The following ASB13 variants were observed in gnomAD, a reference collection of about 807,000 sequenced individuals.
ASB13 encodes ankyrin repeat and SOCS box protein 13.
In ASB13, 33 loss-of-function variants were observed where a neutral mutation model predicts 28.8. The observed-to-expected ratio is 1.15, with a 90% CI of 0.87 to 1.53. The LOEUF (loss-of-function observed/expected upper bound fraction) is 1.53. Ranked by LOEUF, ASB13 falls within the 40% of genes most tolerant of loss-of-function variation. The probability of loss-of-function intolerance (pLI) is 0.00; values close to 1 mark genes in which losing one functional copy is unlikely to be tolerated. For synonymous variants in ASB13, 182 were observed against 172.9 expected (o/e 1.05, Z -0.41); for missense variants, 414 against 390.1 (o/e 1.06, Z -0.52).
Position 5,644,868 on chromosome 10 carries a change from G to A in ASB13, c.518-2907C>T, listed in dbSNP as rs1834860453. The stretch of plus-strand genomic sequence containing the variant: ...ACAGATACAGAGGAAAGAAGGAAGA[G>A]AGAAAGAGGGTAGGAGAGGGAAAGA... On this transcript the variant is annotated intron_variant, in intron 4 of 5. Transcript: ENST00000357700. The surrounding 1 kb of genome is among the most constrained non-coding windows in gnomAD (Gnocchi z 5.1). Among the ~76,000 whole-genome samples, 1 of 151,968 alleles carries A rather than the reference G, an allele frequency of 6.6e-6. No homozygotes were observed. Among genetic ancestry groups the A allele is most frequent in the South Asian group, 2.1e-4 (1 of 4,808 alleles).
rs999320926 is a variant in ASB13 at position 5,656,144 on chromosome 10, T to C, written c.44-3094A>G. Among the ~76,000 whole-genome samples, 3 of 152,200 alleles carry C rather than the reference T, an allele frequency of 2.0e-5. No homozygotes were observed. The highest frequency in any genetic ancestry group is 7.2e-5 in the African/African-American group (3 of 41,464). ...ATCTCAGGCACCGCTTATTCACCTC[T>C]GTACCCCAGAACCTGGCACTGTCCA... On this transcript the variant is annotated intron_variant, in intron 1 of 5. Transcript: ENST00000357700. This position sits in a 1 kb window ranked among gnomAD's most constrained non-coding sequence, Gnocchi z 4.3.
chr10:5,641,720 T>TCC lies in ASB13; in HGVS notation c.709+48_709+49dup. ...CCACAGGGAGCCGGCACGTCAGGGGTCCAGGCTGAAGGCTGGAGGGGATGG... is the reference window on the plus strand; with the variant it reads ...CCACAGGGAGCCGGCACGTCAGGGGTCCCCAGGCTGAAGGCTGGAGGGGATGG... On this transcript the variant is annotated intron_variant, in intron 5 of 5. Coordinates refer to ENST00000357700, the MANE Select transcript of ASB13 (RefSeq NM_024701.4). This position sits in a 1 kb window ranked among gnomAD's most constrained non-coding sequence, Gnocchi z 8.4. 2.0e-6 allele frequency: 3 copies of TCC among 1,519,586 alleles called. No homozygotes were observed. In the South Asian group the frequency reaches 3.7e-5, roughly 19 times the overall value. The allele number at this position is 1,519,586 out of a possible 1,614,324, so 94.1% of individuals were successfully genotyped here.
At position 5,642,025 on chromosome 10, in the gene ASB13, A is replaced by G; in HGVS notation, c.518-64T>C. 2 of 1,523,962 alleles carry G rather than the reference A, an allele frequency of 1.3e-6. No individual in the cohort carries two copies. Among genetic ancestry groups the G allele is most frequent in the South Asian group, 1.2e-5 (1 of 83,136 alleles). The allele number at this position is 1,523,962 out of a possible 1,614,324, so 94.4% of individuals were successfully genotyped here. On this transcript the variant is annotated intron_variant, in intron 4 of 5. Transcript: ENST00000357700. This position sits in a 1 kb window ranked among gnomAD's most constrained non-coding sequence, Gnocchi z 4.1. ...AGAACTTGAAGTCAGGGGGACAATC[A>G]GGTCCGTTTCGTCACACAGCACGGT... is the stretch of plus-strand genomic sequence containing the variant.
rs1834971382 is a variant in ASB13, at chr10:5,650,751, T to TG, written c.382+461dup. On this transcript the variant is annotated intron_variant, in intron 3 of 5. Coordinates refer to ENST00000357700, the MANE Select transcript of ASB13 (RefSeq NM_024701.4). The surrounding 1 kb of genome is among the most constrained non-coding windows in gnomAD (Gnocchi z 6.0). The stretch of plus-strand genomic sequence containing the variant: ...CCAGCATCTGCAGTCTGCCTATTCT[T>TG]GGGGGGCAGATGAGGTCCCACCTGC... Among the ~76,000 whole-genome samples the TG allele has an allele frequency of 6.6e-6, 1 of 152,240 alleles. No homozygotes were observed. The highest frequency in any genetic ancestry group is 2.1e-4 in the South Asian group (1 of 4,824).
Position 5,664,633 on chromosome 10 carries a change from C to A in ASB13, c.43+1876G>T, listed in dbSNP as rs1835227209. ...CAGTAGGTTAGAGGTTCATCTACCA[C>A]AGAAGGACGTCCATAGGGAATGCAG... On this transcript the variant is annotated intron_variant, in intron 1 of 5. Transcript: ENST00000357700. The surrounding 1 kb of genome is among the most constrained non-coding windows in gnomAD (Gnocchi z 4.2). Among the ~76,000 whole-genome samples the A allele has an allele frequency of 6.6e-6, 1 of 152,184 alleles. No individual in the cohort carries two copies. Among genetic ancestry groups the A allele is most frequent in the Non-Finnish European group, 1.5e-5 (1 of 68,036 alleles).
rs1834808504 is a variant in ASB13 at position 5,641,644 on chromosome 10, C to G, written c.709+126G>C. 9.5e-7 allele frequency: 1 copy of G among 1,048,338 alleles called. No homozygotes were observed. Among genetic ancestry groups the G allele is most frequent in the Middle Eastern group, 3.1e-4 (1 of 3,226 alleles). The allele number at this position is 1,048,338 out of a possible 1,614,324, so 64.9% of individuals were successfully genotyped here. A position where few individuals can be genotyped will look rare whatever the true frequency, so the allele number is the denominator to read the frequency against. ...CCCGCAAAGTGCTTAAGGGTCTGTC[C>G]TAGCGCAGAGGACAGGAGCCAGGAC... On this transcript the variant is annotated intron_variant, in intron 5 of 5. Coordinates refer to ENST00000357700, the MANE Select transcript of ASB13 (RefSeq NM_024701.4). The surrounding 1 kb of genome is among the most constrained non-coding windows in gnomAD (Gnocchi z 8.4).
rs1834807615 is a variant in ASB13, at chr10:5,641,569, C to T, written c.709+201G>A. 6.6e-6 allele frequency among the ~76,000 whole-genome samples: 1 copy of T among 152,120 alleles called. No individual in the cohort carries two copies. Among genetic ancestry groups the T allele is most frequent in the South Asian group, 2.1e-4 (1 of 4,824 alleles). On this transcript the variant is annotated intron_variant, in intron 5 of 5. Transcript: ENST00000357700. The surrounding 1 kb of genome is among the most constrained non-coding windows in gnomAD (Gnocchi z 8.4). ...GGCCACAGCTTCTGCTGCTCCACGCCACGGGCCACAGGGAACCCAGGGAGA... is the reference window on the plus strand; with the variant it reads ...GGCCACAGCTTCTGCTGCTCCACGCTACGGGCCACAGGGAACCCAGGGAGA...
rs1242782242 is a variant in ASB13 at position 5,664,286 on chromosome 10, A to G, written c.43+2223T>C. The stretch of plus-strand genomic sequence containing the variant: ...GCAGAGCTGGAAGACCCAAGGCTGC[A>G]GGGCACACGTCTCCAAACACTGAAC... On this transcript the variant is annotated intron_variant, in intron 1 of 5. Coordinates refer to ENST00000357700, the MANE Select transcript of ASB13 (RefSeq NM_024701.4). This position sits in a 1 kb window ranked among gnomAD's most constrained non-coding sequence, Gnocchi z 4.2. 6.8e-6 allele frequency among the ~76,000 whole-genome samples: 1 copy of G among 148,134 alleles called. No homozygotes were observed. Among genetic ancestry groups the G allele is most frequent in the Non-Finnish European group, 1.5e-5 (1 of 67,374 alleles).
chr10:5,646,981 T>C (rs1195687615), intron 4 of ASB13, among the ~76,000 whole-genome samples: 3 of 152,280 alleles, frequency 2.0e-5, no homozygotes, highest in South Asian at 4.1e-4. Context: ...CAACAACTAT[T>C]CCTACACAAA....
rs1834792007 is a variant in ASB13, at chr10:5,640,572, C to T, written c.*131G>A. 10 of 1,186,100 alleles carry T rather than the reference C, an allele frequency of 8.4e-6. No individual in the cohort carries two copies. Among genetic ancestry groups the T allele is most frequent in the Non-Finnish European group, 1.1e-5 (9 of 837,976 alleles). 73.5% of individuals were successfully genotyped at this position (1,186,100 alleles called of 1,614,324 possible). Reference sequence around the variant, plus strand: ...TCCAGGAGAGAAGCCTAAACAGGATCGCAGGAAGGGACTCGAAGGAGCGTT... The same window carrying T: ...TCCAGGAGAGAAGCCTAAACAGGATTGCAGGAAGGGACTCGAAGGAGCGTT... On this transcript the variant is annotated 3_prime_UTR_variant, in exon 6 of 6. Transcript: ENST00000357700.
Position 5,661,289 on chromosome 10 carries a change from T to C in ASB13, c.43+5220A>G, listed in dbSNP as rs1381010645. Among the ~76,000 whole-genome samples, 1 of 152,146 alleles carries C rather than the reference T, an allele frequency of 6.6e-6. No homozygotes were observed. Among genetic ancestry groups the C allele is most frequent in the Non-Finnish European group, 1.5e-5 (1 of 68,028 alleles). On this transcript the variant is annotated intron_variant, in intron 1 of 5. Coordinates refer to ENST00000357700, the MANE Select transcript of ASB13 (RefSeq NM_024701.4). The surrounding 1 kb of genome is among the most constrained non-coding windows in gnomAD (Gnocchi z 4.9). ...GGCCTCACTTGACCCACACAGGGACTGCAACCATAAAAGCAGCAGAGCCAC... is the reference window on the plus strand; with the variant it reads ...GGCCTCACTTGACCCACACAGGGACCGCAACCATAAAAGCAGCAGAGCCAC...
intron 1 of ASB13, among the ~76,000 whole-genome samples, chr10:5,654,783 T>TC (rs1038202875): frequency 6.6e-6 from 1 of 152,176 alleles, no homozygotes; most frequent in African/African-American, 2.4e-5. Context: ...ACCTGGATCT[T>TC]CCCCAGATCT....
rs1433604336 is a variant in ASB13, at chr10:5,651,345, C to T, written c.250G>A (p.Asp84Asn). The T allele has an allele frequency of 8.1e-6, 13 of 1,609,746 alleles. No homozygotes were observed. Among genetic ancestry groups the T allele is most frequent in the Admixed American group, 1.7e-5 (1 of 59,354 alleles). Residue 84 changes from aspartate (D) to asparagine (N), a missense_variant, in exon 3 of 6, where the codon GAC becomes AAC. By Grantham distance (23) the Asp-to-Asn change is conservative (BLOSUM62 1). Coordinates refer to ENST00000357700, the MANE Select transcript of ASB13 (RefSeq NM_024701.4). The surrounding 1 kb of genome is among the most constrained non-coding windows in gnomAD (Gnocchi z 5.1). ...GCATCGCAGAGCGGGGTGCTGCCGT[C>T]GATGTTGCGAGCATCCACCTCACGG... ...AGAQVDARNIDGSTPLCDACA... is the reference protein window; with the variant it reads ...AGAQVDARNINGSTPLCDACA...
Position 5,659,482 on chromosome 10 carries a change from C to G in ASB13, c.44-6432G>C, listed in dbSNP as rs758741745. On this transcript the variant is annotated intron_variant, in intron 1 of 5. Transcript: ENST00000357700. The surrounding 1 kb of genome is among the most constrained non-coding windows in gnomAD (Gnocchi z 5.8). ...ATGCACACAGCCGTGTCCAGTGACA[C>G]CAAACTCTACCGACTCACACAGAGT... Among the ~76,000 whole-genome samples, 3 of 152,226 alleles carry G rather than the reference C, an allele frequency of 2.0e-5. No individual in the cohort carries two copies. The highest frequency in any genetic ancestry group is 2.0e-4 in the Admixed American group (3 of 15,290).
Position 5,653,070 on chromosome 10 carries a change from C to T in ASB13, c.44-20G>A. 2 of 1,520,636 alleles carry T rather than the reference C, an allele frequency of 1.3e-6. No individual in the cohort carries two copies. Among genetic ancestry groups the T allele is most frequent in the Non-Finnish European group, 1.8e-6 (2 of 1,128,578 alleles). 94.2% of individuals were successfully genotyped at this position (1,520,636 alleles called of 1,614,324 possible). On this transcript the variant is annotated intron_variant, in intron 1 of 5. Transcript: ENST00000357700. ...AGAAACCTGGAAAGGAAGGGGACCT[C>T]AGGCTAAGACCCTGCCACTTCCATC...
chr10:5,647,345 T>C (rs1470010365), intron 4 of ASB13, among the ~76,000 whole-genome samples: 1 of 152,200 alleles, frequency 6.6e-6, no homozygotes, highest in Non-Finnish European at 1.5e-5. Flanking sequence ...ACAAAACATT[T>C]AAGTTGGGTT....
Position 5,652,975 on chromosome 10 carries a change from T to C in ASB13, c.119A>G (p.Glu40Gly), listed in dbSNP as rs1564219025. The C allele has an allele frequency of 1.3e-6, 2 of 1,560,782 alleles. No homozygotes were observed. Among genetic ancestry groups the C allele is most frequent in the Admixed American group, 1.9e-5 (1 of 51,792 alleles). Residue 40 changes from glutamate (E) to glycine (G), a missense_variant, in exon 2 of 6, where the codon GAG becomes GGG. Coordinates refer to ENST00000357700, the MANE Select transcript of ASB13 (RefSeq NM_024701.4). This position sits in a 1 kb window ranked among gnomAD's most constrained non-coding sequence, Gnocchi z 5.0. ...GESLQLQQLI[E>G]SGACVNQVTV... ...GACCTGGTTCACGCAGGCGCCGCTCTCGATCAGCTGTTGCAGCTGCAGGCT... is the reference window on the plus strand; with the variant it reads ...GACCTGGTTCACGCAGGCGCCGCTCCCGATCAGCTGTTGCAGCTGCAGGCT...
rs562436958 is a variant in ASB13 at position 5,650,037 on chromosome 10, G to A, written c.383-933C>T. Among the ~76,000 whole-genome samples the A allele has an allele frequency of 2.0e-4, 31 of 152,096 alleles. No individual in the cohort carries two copies. The highest frequency in any genetic ancestry group is 4.0e-4 in the Non-Finnish European group (27 of 68,018). On this transcript the variant is annotated intron_variant, in intron 3 of 5. Transcript: ENST00000357700. This position sits in a 1 kb window ranked among gnomAD's most constrained non-coding sequence, Gnocchi z 6.0. ...GCCCCAGAGCCATGTGCTGGCCACC[G>A]GCCGGTGTCTCCCACTCTAGAGCCC...
rs1834972183 is a variant in ASB13 at position 5,650,822 on chromosome 10, A to G, written c.382+391T>C. 6.6e-6 allele frequency among the ~76,000 whole-genome samples: 1 copy of G among 152,208 alleles called. No homozygotes were observed. The highest frequency in any genetic ancestry group is 2.1e-4 in the South Asian group (1 of 4,836). On this transcript the variant is annotated intron_variant, in intron 3 of 5. Transcript: ENST00000357700. This position sits in a 1 kb window ranked among gnomAD's most constrained non-coding sequence, Gnocchi z 6.0. ...GCACTGTTTTGAGAGCACCACGCAC[A>G]GCCTCCTGGCCCAGGCTGTTGGGAC...
Sources: allele counts gnomAD v4.1 joint callset (sites outside exome capture counted in the v4.1 genomes callset), GRCh38; gene constraint gnomAD v4.1.1; non-coding constraint Gnocchi (gnomAD v3.1); transcripts MANE v1.5; gene names NCBI Gene and HGNC (gene_info 2026-07-23, HGNC 2026-07-21).